Variants in MARCHF10 observed in about 807,000 individuals in gnomAD.
The protein encoded by MARCHF10 is probable E3 ubiquitin-protein ligase MARCHF10.
A neutral mutation model predicts 76.2 loss-of-function variants in MARCHF10; 64 were observed. The ratio of observed to expected loss-of-function variants is 0.84; its 90% CI spans 0.69 to 1.03. The LOEUF is 1.03. Ranked by LOEUF, MARCHF10 falls within the 50% of genes least tolerant of loss-of-function variation. The probability of loss-of-function intolerance (pLI) is 0.00; values close to 1 mark genes in which losing one functional copy is unlikely to be tolerated. For synonymous variants in MARCHF10, 340 were observed against 357.5 expected (o/e 0.95, Z 0.55); for missense variants, 875 against 958.0 (o/e 0.91, Z 1.14).
At position 62,759,840 on chromosome 17, in the gene MARCHF10, G is replaced by C; in HGVS notation, c.377C>G (p.Ser126Cys). 8 of 1,613,764 alleles carry C rather than the reference G, an allele frequency of 5.0e-6. No homozygotes were observed. The highest frequency in any genetic ancestry group is 6.8e-6 in the Non-Finnish European group (8 of 1,179,878). ...KAEKVDPSEP[S>C]PADQAPMVLL... ...TCAATAAGCCAGCCACTCACCTGGAGAGGGTTCGCTGGGGTCCACTTTCTC... is the reference window on the plus strand; with the variant it reads ...TCAATAAGCCAGCCACTCACCTGGACAGGGTTCGCTGGGGTCCACTTTCTC... Residue 126 changes from serine to cysteine, a missense_variant, in exon 4 of 11, where the codon TCT (serine) becomes TGT (cysteine). By Grantham distance (112) the Ser-to-Cys change is moderately radical. Transcript: ENST00000311269.
chr17:62,770,851 C>CTTTTTTT lies in MARCHF10; in HGVS notation c.211-10852_211-10846dup, dbSNP rs35064058. ...CCACCGCACCTGGTCTGTATTTTGA[C>CTTTTTTT]TTTTTTTTTTTTTTTTTTTTTTGAG... On this transcript the variant is annotated intron_variant, in intron 3 of 10. Coordinates refer to ENST00000311269, the MANE Select transcript of MARCHF10 (RefSeq NM_152598.4). 6.0e-5 allele frequency among the ~76,000 whole-genome samples: 5 copies of CTTTTTTT among 83,632 alleles called. 1 individual carries two copies. The highest frequency in any genetic ancestry group is 1.5e-4 in the African/African-American group (3 of 20,564). 54.9% of individuals were successfully genotyped at this position (83,632 alleles called of 152,430 possible).
At chr17:62,714,877 C>G (rs1281531093) in intron 8 of MARCHF10, among the ~76,000 whole-genome samples, 3 of 152,118 alleles carry the variant, frequency 2.0e-5, no homozygotes, top group Non-Finnish European at 4.4e-5. Context: ...TCCCGAGTAG[C>G]TGGGATTTCA....
chr17:62,748,161 G>C (rs1488245010), intron 4 of MARCHF10, among the ~76,000 whole-genome samples: 2 of 152,128 alleles, frequency 1.3e-5, no homozygotes, highest in Admixed American at 6.6e-5. Flanking sequence ...ACTTTAGGAG[G>C]CCAAGGTGGG....
chr17:62,702,765 T>A (rs1463138448), intron 10 of MARCHF10, among the ~76,000 whole-genome samples: 1 of 152,160 alleles, frequency 6.6e-6, no homozygotes, highest in Non-Finnish European at 1.5e-5. Flanking sequence ...ATCCCCTCAA[T>A]CCTACCTGGA....
intron 2 of MARCHF10, among the ~76,000 whole-genome samples, chr17:62,800,190 G>A (rs921961520): frequency 5.9e-5 from 9 of 152,170 alleles, no homozygotes; most frequent in African/African-American, 2.2e-4. Context: ...CTGAATGAAT[G>A]AATGAAAAGG....
intron 3 of MARCHF10, among the ~76,000 whole-genome samples, chr17:62,765,665 C>T (rs2092313074): frequency 6.6e-6 from 1 of 152,086 alleles, no homozygotes; most frequent in Non-Finnish European, 1.5e-5. Context: ...AGTGAAACTT[C>T]GCGCTGCAAG....
intron 6 of MARCHF10, among the ~76,000 whole-genome samples, chr17:62,734,858 A>G (rs553516996): frequency 2.0e-5 from 3 of 152,358 alleles, no homozygotes; most frequent in Admixed American, 1.3e-4. Context: ...AATTATTTTT[A>G]GCTCAAGGGC....
chr17:62,764,974 C>T (rs2092293684), intron 3 of MARCHF10, among the ~76,000 whole-genome samples: 1 of 152,160 alleles, frequency 6.6e-6, no homozygotes, highest in Non-Finnish European at 1.5e-5. Flanking sequence ...ATCTGTCTCC[C>T]CTATCTGAAG....
chr17:62,734,453 G>GTGTAC (rs2091174025), intron 6 of MARCHF10, among the ~76,000 whole-genome samples: 2 of 152,128 alleles, frequency 1.3e-5, no homozygotes, highest in Non-Finnish European at 2.9e-5. Flanking sequence ...ATTCTCTGAA[G>GTGTAC]TGTACGTATG....
intron 4 of MARCHF10, among the ~76,000 whole-genome samples, chr17:62,747,663 T>G (rs1599204799): frequency 1.3e-5 from 2 of 152,218 alleles, no homozygotes; most frequent in Non-Finnish European, 2.9e-5. Context: ...CTACTGAGAA[T>G]AATAATGGGA....
intron 2 of MARCHF10, among the ~76,000 whole-genome samples, chr17:62,798,792 G>A (rs922939520): frequency 5.9e-5 from 9 of 152,202 alleles, no homozygotes; most frequent in Admixed American, 2.0e-4. Context: ...AAGCACGTTC[G>A]TGGACTGAGC....
chr17:62,715,449 C>T (rs2147636517), intron 8 of MARCHF10, among the ~76,000 whole-genome samples: 1 of 152,350 alleles, frequency 6.6e-6, no homozygotes, highest in East Asian at 1.9e-4. Flanking sequence ...CCTGTTTTCA[C>T]CTCATCCATT....
chr17:62,752,778 T>C (rs1189048938), intron 4 of MARCHF10, among the ~76,000 whole-genome samples: 1 of 151,920 alleles, frequency 6.6e-6, no homozygotes, highest in African/African-American at 2.4e-5. Context: ...CTGGCCCTCT[T>C]CCTTTTGCTT....
At chr17:62,732,642 C>T (rs867397034) in intron 6 of MARCHF10, among the ~76,000 whole-genome samples, 2 of 151,992 alleles carry the variant, frequency 1.3e-5, no homozygotes, top group East Asian at 1.9e-4. Flanking sequence ...AATAGCATAA[C>T]GATATCAGGT....
chr17:62,737,980 A>G (rs2091349240), intron 5 of MARCHF10: 1 of 152,256 alleles, frequency 6.6e-6, no homozygotes, highest in Non-Finnish European at 1.5e-5. Flanking sequence ...TGGCTGCCCT[A>G]GAATCCCTAC....
At chr17:62,763,306 G>A (rs1028957711) in intron 3 of MARCHF10, among the ~76,000 whole-genome samples, 1 of 152,176 alleles carries the variant, frequency 6.6e-6, no homozygotes, top group Admixed American at 6.5e-5. Context: ...TTCCAAAAGG[G>A]TGGTATGAAT....
chr17:62,797,068 G>C (rs1306115001), intron 2 of MARCHF10, among the ~76,000 whole-genome samples: 3 of 152,204 alleles, frequency 2.0e-5, no homozygotes, highest in Admixed American at 1.3e-4. Context: ...CATAAGCTCT[G>C]TGCAGGAAGC....
chr17:62,787,316 T>C (rs1390769407), intron 3 of MARCHF10, among the ~76,000 whole-genome samples: 1 of 152,192 alleles, frequency 6.6e-6, no homozygotes, highest in East Asian at 1.9e-4. Flanking sequence ...ATAACCACAG[T>C]GTGAACATCC....
At chr17:62,795,703 T>G (rs2092973439) in intron 2 of MARCHF10, among the ~76,000 whole-genome samples, 1 of 152,328 alleles carries the variant, frequency 6.6e-6, no homozygotes, top group South Asian at 2.1e-4. Flanking sequence ...AGCCTTCAAC[T>G]GGAGCCAGTT....
Sources: gnomAD v4.1 joint callset for allele counts (sites outside exome capture counted in the v4.1 genomes callset) on GRCh38, gnomAD v4.1.1 for gene constraint, MANE v1.5 for transcripts, NCBI Gene and HGNC (gene_info 2026-07-23, HGNC 2026-07-21) for gene names.